Variants in DMXL1 observed in about 807,000 individuals in gnomAD.
DMXL1 encodes Dmx like 1, also known as dmX-like protein 1.
In DMXL1, 99 loss-of-function variants were observed where a neutral mutation model predicts 319.2. The ratio of observed to expected loss-of-function variants is 0.31; its 90% CI spans 0.26 to 0.37. The LOEUF (loss-of-function observed/expected upper bound fraction) is 0.37, where lower values mean the gene tolerates loss of function less well. DMXL1 is among the 10% of genes least tolerant of loss of function. The probability of loss-of-function intolerance (pLI) is 1.00; values close to 1 mark genes in which losing one functional copy is unlikely to be tolerated. For synonymous variants in DMXL1, 1,385 were observed against 1,235.2 expected (o/e 1.12, Z -2.54); for missense variants, 3,745 against 3,595.6 (o/e 1.04, Z -1.06).
intron 23 of DMXL1, 68 bp downstream of exon 23, chr5:119,167,932 T>C (rs1773761122): frequency 1.4e-6 from 2 of 1,453,184 alleles, no homozygotes; most frequent in Non-Finnish European, 1.9e-6. Flanking sequence ...TGCAGATCAC[T>C]CTATTAGGTG....
chr5:119,231,339 C>T (rs1425360940), intron 38 of DMXL1, among the ~76,000 whole-genome samples: 2 of 152,162 alleles, frequency 1.3e-5, no homozygotes, highest in African/African-American at 4.8e-5. Flanking sequence ...CCCATGATTT[C>T]TTGTCCTTCC....
chr5:119,240,794 T>C (rs1392960358), intron 42 of DMXL1, among the ~76,000 whole-genome samples: 1 of 152,198 alleles, frequency 6.6e-6, no homozygotes, highest in Non-Finnish European at 1.5e-5. Flanking sequence ...AACATTGCAC[T>C]GGAATTCCTA....
At chr5:119,115,322 A>G (rs1225942112) in intron 6 of DMXL1, among the ~76,000 whole-genome samples, 1 of 152,216 alleles carries the variant, frequency 6.6e-6, no homozygotes, top group Non-Finnish European at 1.5e-5. Context: ...ATAAGACTTC[A>G]TAGGCTTTCT....
chr5:119,219,925 A>G (rs1489072190), intron 35 of DMXL1, among the ~76,000 whole-genome samples: 1 of 151,654 alleles, frequency 6.6e-6, no homozygotes, highest in African/African-American at 2.4e-5. Flanking sequence ...AACCTTAGCA[A>G]CTTTTCATTT....
rs749262965 is a variant in DMXL1 at position 119,149,868 on chromosome 5, C to A, written c.4041C>A (p.Ser1347=). The A allele has an allele frequency of 8.7e-6, 14 of 1,613,726 alleles. No homozygotes were observed. In the Admixed American group the frequency reaches 1.2e-4, roughly 13 times the overall value. Reference sequence around the variant, plus strand: ...TTCGGAGAGCCAAGGCCATCTTGTCCCATCTTGTTAAGTGCATTGCTGGGG... The same window carrying A: ...TTCGGAGAGCCAAGGCCATCTTGTCACATCTTGTTAAGTGCATTGCTGGGG... The part of the protein sequence containing the change: ...GKVRRAKAIL[S]HLVKCIAGEV... The change falls in exon 18 of 44, where the codon TCC becomes TCA. Residue 1347 remains serine (S), a synonymous_variant. Coordinates refer to ENST00000539542, the MANE Select transcript of DMXL1 (RefSeq NM_001290321.3).
rs2150225805 is a variant in DMXL1, at chr5:119,164,601, T to G, written c.4797T>G (p.Thr1599=). Residue 1599 remains threonine, a synonymous_variant, in exon 20 of 44, where the codon ACT becomes ACG. Coordinates refer to ENST00000539542, the MANE Select transcript of DMXL1 (RefSeq NM_001290321.3). ...MLPAMQKDDP[T]WSELRAMGVG... The stretch of plus-strand genomic sequence containing the variant: ...CAGCCATGCAGAAAGATGATCCCAC[T>G]TGGTCTGAACTAAGAGCTATGGGTG... 6.2e-7 allele frequency: 1 copy of G among 1,614,132 alleles called. No homozygotes were observed. Among genetic ancestry groups the G allele is most frequent in the South Asian group, 1.1e-5 (1 of 91,080 alleles).
intron 36 of DMXL1, 56 bp from the exon 37 acceptor site, chr5:119,220,884 T>G: frequency 1.3e-6 from 2 of 1,577,248 alleles, no homozygotes; most frequent in Non-Finnish European, 8.6e-7. Context: ...ACCTTTCAAG[T>G]GTAAAAAAGA....
Position 119,149,056 on chromosome 5 carries a change from CATGT to C in DMXL1, c.3231_3234del (p.His1077GlnfsTer22). 6.2e-7 allele frequency: 1 copy of C among 1,613,838 alleles called. No homozygotes were observed. Among genetic ancestry groups the C allele is most frequent in the Non-Finnish European group, 8.5e-7 (1 of 1,179,852 alleles). Reference sequence around the variant, plus strand: ...TAGATCTTCCCAGGACTTTGTGATGCATGTAAGTATTTTTGAATGTGAGTCAACA... The same window carrying C: ...TAGATCTTCCCAGGACTTTGTGATGCAAGTATTTTTGAATGTGAGTCAACA... On this transcript the variant is annotated frameshift_variant, in exon 18 of 44. Transcript: ENST00000539542. LOFTEE classifies it high-confidence loss of function.
chr5:119,179,534 A>G (rs2150320958), intron 28 of DMXL1, among the ~76,000 whole-genome samples: 1 of 152,308 alleles, frequency 6.6e-6, no homozygotes, highest in Non-Finnish European at 1.5e-5. Context: ...TTGGGAAAAA[A>G]ATTATTGCCA....
chr5:119,121,119 C>G lies in DMXL1; in HGVS notation c.1082C>G (p.Ala361Gly). 1 of 1,605,726 alleles carries G rather than the reference C, an allele frequency of 6.2e-7. No individual in the cohort carries two copies. Among genetic ancestry groups the G allele is most frequent in the Non-Finnish European group, 8.5e-7 (1 of 1,177,546 alleles). The change falls in exon 9 of 44, where the codon GCC becomes GGC. Residue 361 changes from alanine (A) to glycine (G), a missense_variant. Coordinates refer to ENST00000539542, the MANE Select transcript of DMXL1 (RefSeq NM_001290321.3). ...ANALCHFHIA[A>G]SINPATDIPL... ...GCACTTTGCCACTTTCATATTGCAG[C>G]CAGCATCAACCCAGCCACAGGTAAT...
intron 39 of DMXL1, among the ~76,000 whole-genome samples, chr5:119,233,952 C>CACCT (rs1427725577): frequency 6.6e-6 from 1 of 152,098 alleles, no homozygotes; most frequent in Non-Finnish European, 1.5e-5. Context: ...ACATCCTAGC[C>CACCT]ACCTGCTTTA....
chr5:119,242,024 TTG>T, intron 42 of DMXL1, among the ~76,000 whole-genome samples: 1 of 152,352 alleles, frequency 6.6e-6, no homozygotes, highest in South Asian at 2.1e-4. Flanking sequence ...CAATCTGTAT[TTG>T]TGTGCGTATG....
At chr5:119,177,547 A>G (rs1398703675) in intron 27 of DMXL1, 63 bp downstream of exon 27, 3 of 1,366,524 alleles carry the variant, frequency 2.2e-6, no homozygotes, top group Non-Finnish European at 2.9e-6. Flanking sequence ...GATAAGTAGA[A>G]AGACTTTTAG....
Position 119,224,727 on chromosome 5 carries a change from A to G in DMXL1, c.8296A>G (p.Asn2766Asp). ...TTACCAGATGATTAAGAAAGCCATT[A>G]ATAATGTTAGAAGAATGACTTCTCA... ...GASVMIKKAI[N>D]NVRRMTSHPT... Residue 2766 changes from asparagine (N) to aspartate (D), a missense_variant, in exon 38 of 44, where the codon AAT becomes GAT. Physicochemically the swap from Asn to Asp is conservative, Grantham distance 23. This residue lies in a region of DMXL1 where 1,382 missense variants were observed against 1,269.5 expected (regional missense o/e 1.09). Transcript: ENST00000539542. 1 of 1,317,212 alleles carries G rather than the reference A, an allele frequency of 7.6e-7. No homozygotes were observed. 81.6% of individuals were successfully genotyped at this position (1,317,212 alleles called of 1,614,324 possible).
At chr5:119,152,887 CTT>C (rs1278824484) in intron 19 of DMXL1, among the ~76,000 whole-genome samples, 2 of 152,112 alleles carry the variant, frequency 1.3e-5, no homozygotes, top group African/African-American at 4.8e-5. Flanking sequence ...GTCTCTGTCT[CTT>C]TGTTTCTCTC....
intron 32 of DMXL1, 66 bp downstream of exon 32, chr5:119,198,022 T>C: frequency 1.3e-6 from 2 of 1,505,132 alleles, no homozygotes; most frequent in Non-Finnish European, 1.8e-6. Context: ...GGTGTCTCGC[T>C]CTGTCATCCG....
intron 5 of DMXL1, among the ~76,000 whole-genome samples, chr5:119,112,429 G>T (rs1759844448): frequency 6.6e-6 from 1 of 152,096 alleles, no homozygotes; most frequent in African/African-American, 2.4e-5. Flanking sequence ...AACAGATAGG[G>T]GTAGATAGAA....
At chr5:119,199,035 C>T (rs1334786407) in intron 32 of DMXL1, among the ~76,000 whole-genome samples, 1 of 152,136 alleles carries the variant, frequency 6.6e-6, no homozygotes, top group East Asian at 1.9e-4. Flanking sequence ...CACAGGCACA[C>T]ACCACCATGC....
At chr5:119,144,771 T>G in intron 15 of DMXL1, 133 bp downstream of exon 15, 1 of 507,492 alleles carries the variant, frequency 2.0e-6, no homozygotes, top group Non-Finnish European at 3.4e-6. Flanking sequence ...TATTAAATAT[T>G]TATCATAAAT....
Sources: allele counts gnomAD v4.1 joint callset (sites outside exome capture counted in the v4.1 genomes callset), GRCh38; gene constraint gnomAD v4.1.1; regional missense constraint gnomAD v4.1.1; transcripts MANE v1.5; gene names NCBI Gene and HGNC (gene_info 2026-07-23, HGNC 2026-07-21).